RAB26: variants seen among roughly 807,000 people sequenced by gnomAD.
The protein encoded by RAB26 is ras-related protein Rab-26.
RAB26 carries 39 observed loss-of-function variants against 33.1 expected under a neutral mutation model. The observed-to-expected ratio is 1.18, with a 90% CI of 0.91 to 1.54. RAB26 has a LOEUF of 1.54. Ranked by LOEUF, RAB26 falls within the 40% of genes most tolerant of loss-of-function variation. RAB26 has a pLI of 0.00. For missense variants in RAB26, 468 were observed against 362.9 expected, an observed-to-expected ratio of 1.29 and a Z score of -2.35; for synonymous variants, 192 against 151.9, an observed-to-expected ratio of 1.26 and a Z score of -1.94.
rs547242706 is a variant in RAB26 at position 2,152,984 on chromosome 16, G to C, written c.535-5G>C. ...GCTTTCACCAAGACCCTGTGCCTGG[G>C]CCAGGTGGACTCTGCCCATGAGCGT... On this transcript the variant is annotated splice_polypyrimidine_tract_variant and splice_region_variant and intron_variant, in intron 6 of 8. Coordinates refer to ENST00000210187, the MANE Select transcript of RAB26 (RefSeq NM_014353.5). 2.5e-6 allele frequency: 4 copies of C among 1,585,592 alleles called. No individual in the cohort carries two copies. The South Asian group carries it at 4.5e-5, about 18-fold the overall frequency.
Position 2,154,003 on chromosome 16 carries a change from AAAC to A in RAB26, c.*589_*591del, listed in dbSNP as rs555387291. ...TGTGGGAAATCACAGAAAACACCAGAAACAACAACTGCCAGCCCGGCCTGGCCA... is the reference window on the plus strand; with the variant it reads ...TGTGGGAAATCACAGAAAACACCAGAAACAACTGCCAGCCCGGCCTGGCCA... On this transcript the variant is annotated 3_prime_UTR_variant, in exon 9 of 9. Coordinates refer to ENST00000210187, the MANE Select transcript of RAB26 (RefSeq NM_014353.5). 3.3e-4 allele frequency: 119 copies of A among 362,080 alleles called. No homozygotes were observed. The highest frequency in any genetic ancestry group is 4.6e-4 in the Admixed American group (13 of 28,208). 22.4% of individuals were successfully genotyped at this position (362,080 alleles called of 1,614,324 possible).
chr16:2,151,371 C>T, intron 2 of RAB26, 198 bp from the exon 3 acceptor site: 1 of 675,970 alleles, frequency 1.5e-6, no homozygotes, highest in African/African-American at 1.8e-5. Flanking sequence ...AGGCTCTAAG[C>T]AGGAATAGTG....
Position 2,148,682 on chromosome 16 carries a change from C to CGCT in RAB26, c.-102_-101insGCT, listed in dbSNP as rs1236582592. On this transcript the variant is annotated 5_prime_UTR_variant, in exon 1 of 9. Transcript: ENST00000210187. ...CCGCCGCCGCCGCCGCCGCCGCCGC[C>CGCT]AGGGGAAGGGTTCGGGTCCGGGTCG... The CGCT allele has an allele frequency of 1.8e-6, 2 of 1,095,316 alleles. No individual in the cohort carries two copies. Among genetic ancestry groups the CGCT allele is most frequent in the Non-Finnish European group, 2.3e-6 (2 of 879,506 alleles). The allele number at this position is 1,095,316 out of a possible 1,614,324, so 67.8% of individuals were successfully genotyped here.
chr16:2,152,964 C>G, intron 6 of RAB26, 25 bp from the exon 7 acceptor site: 1 of 1,583,522 alleles, frequency 6.3e-7, no homozygotes, highest in Non-Finnish European at 8.6e-7. Context: ...GGCCAGCTTT[C>G]ACCAAGACCC....
At chr16:2,149,303 C>CT (rs756125935) in intron 1 of RAB26, among the ~76,000 whole-genome samples, 2,275 of 115,974 alleles carry the variant, frequency 0.02, 36 homozygotes, top group South Asian at 0.046. Flanking sequence ...GGCTGTGGGC[C>CT]TTTTTTTTTT....
chr16:2,148,324 G>C (rs2092992520), upstream of RAB26: 2 of 152,456 alleles, frequency 1.3e-5, no homozygotes, highest in South Asian at 4.1e-4. Context: ...CTTCCTCCCA[G>C]GTCTGGCGGT....
At position 2,148,675 on chromosome 16, in the gene RAB26, C is replaced by A; in HGVS notation, c.-109C>A. The stretch of plus-strand genomic sequence containing the variant: ...GCCGCCGCCGCCGCCGCCGCCGCCG[C>A]CGCCGCCAGGGGAAGGGTTCGGGTC... On this transcript the variant is annotated 5_prime_UTR_variant, in exon 1 of 9. Coordinates refer to ENST00000210187, the MANE Select transcript of RAB26 (RefSeq NM_014353.5). 1 of 1,048,082 alleles carries A rather than the reference C, an allele frequency of 9.5e-7. No homozygotes were observed. Among genetic ancestry groups the A allele is most frequent in the Non-Finnish European group, 1.2e-6 (1 of 842,448 alleles). The allele number at this position is 1,048,082 out of a possible 1,614,324, so 64.9% of individuals were successfully genotyped here. A position where few individuals can be genotyped will look rare whatever the true frequency, so the allele number is the denominator to read the frequency against.
intron 2 of RAB26, 121 bp downstream of exon 2, chr16:2,150,172 C>T (rs932465842): frequency 2.5e-5 from 22 of 865,820 alleles, no homozygotes; most frequent in East Asian, 2.2e-4. Context: ...CTGCCTGCCT[C>T]GACCTTCCAA....
intron 1 of RAB26, 25 bp from the exon 2 acceptor site, chr16:2,149,916 C>T: frequency 1.3e-6 from 2 of 1,498,322 alleles, no homozygotes; most frequent in South Asian, 2.6e-5. Flanking sequence ...GACCAGACTC[C>T]CCCCAACCCT....
At chr16:2,150,493 C>T (rs1441408210) in intron 2 of RAB26, among the ~76,000 whole-genome samples, 1 of 150,764 alleles carries the variant, frequency 6.6e-6, no homozygotes, top group Non-Finnish European at 1.5e-5. Context: ...GCTGGAATTC[C>T]TCGTGCTGAG....
intron 1 of RAB26, 49 bp from the exon 2 acceptor site, chr16:2,149,892 G>A: frequency 7.1e-7 from 1 of 1,409,838 alleles, no homozygotes; most frequent in Non-Finnish European, 9.4e-7. Context: ...TTCTGACCAG[G>A]CCAGCTCAGG....
At position 2,153,752 on chromosome 16, in the gene RAB26, A is replaced by G. The variant is rs968786433; in HGVS notation, c.*331A>G. ...GAGGGCTGGGGCTGGCACCACGCACAGTGCCTAACCCTAGAAAAGCCATGT... is the reference window on the plus strand; with the variant it reads ...GAGGGCTGGGGCTGGCACCACGCACGGTGCCTAACCCTAGAAAAGCCATGT... On this transcript the variant is annotated 3_prime_UTR_variant, in exon 9 of 9. Transcript: ENST00000210187. The G allele has an allele frequency of 1.9e-6, 1 of 529,782 alleles. No individual in the cohort carries two copies. The highest frequency in any genetic ancestry group is 3.6e-6 in the Non-Finnish European group (1 of 275,894). The allele number at this position is 529,782 out of a possible 1,614,324, so 32.8% of individuals were successfully genotyped here. A position where few individuals can be genotyped will look rare whatever the true frequency, so the allele number is the denominator to read the frequency against.
rs1277874647 is a variant in RAB26 at position 2,152,861 on chromosome 16, G to A, written c.510G>A (p.Val170=). The change falls in exon 6 of 9, where the codon GTG becomes GTA. Residue 170 remains valine, a synonymous_variant. Transcript: ENST00000210187. The part of the protein sequence containing the change: ...TEIHEYAQHD[V]ALMLLGNKVD... ...TCCACGAGTACGCCCAGCACGACGT[G>A]GCGCTCATGCTGCTGGGGAACAAGG... 7 of 1,607,880 alleles carry A rather than the reference G, an allele frequency of 4.4e-6. No individual in the cohort carries two copies. Among genetic ancestry groups the A allele is most frequent in the Non-Finnish European group, 5.9e-6 (7 of 1,177,462 alleles).
At chr16:2,151,819 G>C (rs1464640323) in intron 4 of RAB26, 37 bp from the exon 5 acceptor site, 1 of 1,614,012 alleles carries the variant, frequency 6.2e-7, no homozygotes, top group Non-Finnish European at 8.5e-7. Flanking sequence ...TGAGGGTGCA[G>C]GTGATGGTGG....
chr16:2,148,656 G>GCCC lies in RAB26; in HGVS notation c.-126_-125insCCC. 1 of 787,326 alleles carries GCCC rather than the reference G, an allele frequency of 1.3e-6. No homozygotes were observed. The highest frequency in any genetic ancestry group is 7.1e-5 in the East Asian group (1 of 14,060). The allele number at this position is 787,326 out of a possible 1,614,324, so 48.8% of individuals were successfully genotyped here. A position where few individuals can be genotyped will look rare whatever the true frequency, so the allele number is the denominator to read the frequency against. On this transcript the variant is annotated 5_prime_UTR_variant, in exon 1 of 9. Transcript: ENST00000210187. Reference sequence around the variant, plus strand: ...GCCGGGCGCCCGGGATGATGCCGCCGCCGCCGCCGCCGCCGCCGCCGCCGC... The same window carrying GCCC: ...GCCGGGCGCCCGGGATGATGCCGCCGCCCCCGCCGCCGCCGCCGCCGCCGCCGC...
In RAB26 at chr16:2,153,354, A is replaced by T; in HGVS notation, c.704A>T (p.Glu235Val). ...LKQRSMKAPS[E>V]PRFRLHDYVK... is the part of the protein sequence containing the mutation. Reference sequence around the variant, plus strand: ...CAGCGCTCCATGAAGGCTCCCAGCGAGCCGCGCTTCCGGCTGCATGATTAC... The same window carrying T: ...CAGCGCTCCATGAAGGCTCCCAGCGTGCCGCGCTTCCGGCTGCATGATTAC... The change falls in exon 9 of 9, where the codon GAG becomes GTG. Residue 235 changes from glutamate (E) to valine (V), a missense_variant. Glu to Val is a moderately radical substitution (Grantham distance 121). Transcript: ENST00000210187. The T allele has an allele frequency of 6.2e-7, 1 of 1,613,466 alleles. No individual in the cohort carries two copies.
intron 8 of RAB26, 46 bp from the exon 9 acceptor site, chr16:2,153,273 A>G (rs575210074): frequency 6.2e-7 from 1 of 1,613,276 alleles, no homozygotes; most frequent in African/African-American, 1.3e-5. Flanking sequence ...CTGAATCCTC[A>G]TTAGAGTCCA....
Position 2,153,357 on chromosome 16 carries a change from C to T in RAB26, c.707C>T (p.Pro236Leu), listed in dbSNP as rs560672272. The T allele has an allele frequency of 5.0e-6, 8 of 1,613,496 alleles. No individual in the cohort carries two copies. Among genetic ancestry groups the T allele is most frequent in the South Asian group, 1.1e-5 (1 of 91,088 alleles). ...KQRSMKAPSE[P>L]RFRLHDYVKR... ...CGCTCCATGAAGGCTCCCAGCGAGC[C>T]GCGCTTCCGGCTGCATGATTACGTT... Residue 236 changes from proline to leucine, a missense_variant, in exon 9 of 9, where the codon CCG becomes CTG. Transcript: ENST00000210187.
chr16:2,148,691 G>A lies in RAB26; in HGVS notation c.-93G>A, dbSNP rs909781258. 11 of 1,116,966 alleles carry A rather than the reference G, an allele frequency of 9.8e-6. No individual in the cohort carries two copies. The Admixed American group carries it at 1.8e-4, about 18-fold the overall frequency. 69.2% of individuals were successfully genotyped at this position (1,116,966 alleles called of 1,614,324 possible). ...CCGCCGCCGCCGCCGCCAGGGGAAG[G>A]GTTCGGGTCCGGGTCGGGCTCGGCG... is the stretch of plus-strand genomic sequence containing the variant. On this transcript the variant is annotated 5_prime_UTR_variant, in exon 1 of 9. Transcript: ENST00000210187.
Sources: allele counts gnomAD v4.1 joint callset (sites outside exome capture counted in the v4.1 genomes callset), GRCh38; gene constraint gnomAD v4.1.1; transcripts MANE v1.5; gene names NCBI Gene and HGNC (gene_info 2026-07-23, HGNC 2026-07-21).